OR12D3: variants seen among roughly 807,000 people sequenced by gnomAD.
OR12D3 encodes olfactory receptor 12D3.
For missense variants in OR12D3, 333 were observed against 386.4 expected (o/e 0.86, Z 1.16); for synonymous variants, 142 against 138.8 (o/e 1.02, Z -0.16).
rs1562945544 is a variant in OR12D3, at chr6:29,374,997, G to T, written c.291C>A (p.Thr97=). ...RRAISFLGCI[T]QLHFFHFLGS... ...CCAAAAAGTGGAAGAAGTGTAGCTG[G>T]GTGATACAGCCTAGAAAAGATATAG... The change falls in exon 1 of 1, where the codon ACC becomes ACA. Residue 97 remains threonine (T), a synonymous_variant. Coordinates refer to ENST00000396806, the MANE Select transcript of OR12D3 (RefSeq NM_030959.3). 1.9e-6 allele frequency: 3 copies of T among 1,613,686 alleles called. No individual in the cohort carries two copies. The highest frequency in any genetic ancestry group is 2.5e-6 in the Non-Finnish European group (3 of 1,180,044).
In OR12D3 at chr6:29,375,226, A is replaced by G. The variant is rs1779362455; in HGVS notation, c.62T>C (p.Leu21Pro). Reference sequence around the variant, plus strand: ...GAAAATCCCAAAGAAGAAAGGCTGCAGCTCCTGAACACCAGTCAGGCCAAG... The same window carrying G: ...GAAAATCCCAAAGAAGAAAGGCTGCGGCTCCTGAACACCAGTCAGGCCAAG... ...LLLGLTGVQELQPFFFGIFLI... is the reference protein window; with the variant it reads ...LLLGLTGVQEPQPFFFGIFLI... The change falls in exon 1 of 1, where the codon CTG (leucine) becomes CCG (proline). Residue 21 changes from leucine to proline, a missense_variant. Transcript: ENST00000396806. 2 of 1,611,234 alleles carry G rather than the reference A, an allele frequency of 1.2e-6. No individual in the cohort carries two copies. Among genetic ancestry groups the G allele is most frequent in the South Asian group, 2.2e-5 (2 of 90,586 alleles).
chr6:29,375,001 A>G lies in OR12D3; in HGVS notation c.287T>C (p.Ile96Thr). Residue 96 changes from isoleucine (I) to threonine (T), a missense_variant, in exon 1 of 1, where the codon ATC (isoleucine) becomes ACC (threonine). Transcript: ENST00000396806. ...SRRAISFLGC[I>T]TQLHFFHFLG... ...AAAGTGGAAGAAGTGTAGCTGGGTG[A>G]TACAGCCTAGAAAAGATATAGCCCT... 16 of 1,613,784 alleles carry G rather than the reference A, an allele frequency of 9.9e-6. No homozygotes were observed. The highest frequency in any genetic ancestry group is 1.4e-5 in the Non-Finnish European group (16 of 1,180,032).
At position 29,374,634 on chromosome 6, in the gene OR12D3, A is replaced by G. The variant is rs778986330; in HGVS notation, c.654T>C (p.Tyr218=). The change falls in exon 1 of 1, where the codon TAT becomes TAC. Residue 218 remains tyrosine, a synonymous_variant. Coordinates refer to ENST00000396806, the MANE Select transcript of OR12D3 (RefSeq NM_030959.3). ...TCTTAAACAGAAGGAAGCCAATTAC[A>G]TAGAAGCAGGAGAGAAGAGTCAGAA... ...AFFLTLLSCF[Y]VIGFLLFKNR... The G allele has an allele frequency of 1.2e-5, 20 of 1,612,810 alleles. No homozygotes were observed. The highest frequency in any genetic ancestry group is 1.7e-5 in the Non-Finnish European group (20 of 1,180,032).
In OR12D3 at chr6:29,374,136, T is replaced by C. The variant is rs1779277712; in HGVS notation, c.*201A>G. 7 of 556,916 alleles carry C rather than the reference T, an allele frequency of 1.3e-5. No individual in the cohort carries two copies. Among genetic ancestry groups the C allele is most frequent in the Non-Finnish European group, 2.2e-5 (7 of 318,816 alleles). The allele number at this position is 556,916 out of a possible 1,614,324, so 34.5% of individuals were successfully genotyped here. ...CTTACGCGTTTGGTTATTTGGGGCC[T>C]CCATCACATTAAACTTTATGTTTGA... On this transcript the variant is annotated 3_prime_UTR_variant, in exon 1 of 1. Transcript: ENST00000396806.
Position 29,375,224 on chromosome 6 carries a change from G to A in OR12D3, c.64C>T (p.Gln22Ter). The A allele has an allele frequency of 6.2e-7, 1 of 1,611,144 alleles. No individual in the cohort carries two copies. The highest frequency in any genetic ancestry group is 8.5e-7 in the Non-Finnish European group (1 of 1,179,462). The change falls in exon 1 of 1, where the codon CAG becomes TAG. Residue 22 changes from glutamine (Q) to a stop codon, truncating the protein, a stop_gained. Transcript: ENST00000396806. LOFTEE classifies it low-confidence loss of function (END_TRUNC). Reference sequence around the variant, plus strand: ...AAGAAAATCCCAAAGAAGAAAGGCTGCAGCTCCTGAACACCAGTCAGGCCA... The same window carrying A: ...AAGAAAATCCCAAAGAAGAAAGGCTACAGCTCCTGAACACCAGTCAGGCCA... ...LLGLTGVQEL[Q>*]PFFFGIFLII...
At position 29,375,014 on chromosome 6, in the gene OR12D3, A is replaced by T; in HGVS notation, c.274T>A (p.Phe92Ile). The T allele has an allele frequency of 6.2e-7, 1 of 1,613,702 alleles. No individual in the cohort carries two copies. Among genetic ancestry groups the T allele is most frequent in the South Asian group, 1.1e-5 (1 of 91,078 alleles). Reference protein sequence around the residue: ...NLVCSRRAISFLGCITQLHFF... With the variant: ...NLVCSRRAISILGCITQLHFF... ...TGTAGCTGGGTGATACAGCCTAGAA[A>T]AGATATAGCCCTGCGACTGCACACG... The change falls in exon 1 of 1, where the codon TTT becomes ATT. Residue 92 changes from phenylalanine (F) to isoleucine (I), a missense_variant. By Grantham distance (21) the Phe-to-Ile change is conservative. Transcript: ENST00000396806.
In OR12D3 at chr6:29,373,794, A is replaced by G; in HGVS notation, c.*543T>C. On this transcript the variant is annotated 3_prime_UTR_variant, in exon 1 of 1. Transcript: ENST00000396806. ...AATGGCTAGAAAAATCTCTCCCTAA[A>G]ATTAAATACCCATTAAAAATTCTCT... is the stretch of plus-strand genomic sequence containing the variant. The G allele has an allele frequency of 2.6e-6, 1 of 388,956 alleles. No individual in the cohort carries two copies. 24.1% of individuals were successfully genotyped at this position (388,956 alleles called of 1,614,324 possible).
In OR12D3 at chr6:29,374,637, G is replaced by A. The variant is rs748466156; in HGVS notation, c.651C>T (p.Phe217=). The A allele has an allele frequency of 6.2e-7, 1 of 1,612,876 alleles. No homozygotes were observed. Among genetic ancestry groups the A allele is most frequent in the East Asian group, 2.2e-5 (1 of 44,868 alleles). Residue 217 remains phenylalanine, a synonymous_variant, in exon 1 of 1, where the codon TTC becomes TTT. Coordinates refer to ENST00000396806, the MANE Select transcript of OR12D3 (RefSeq NM_030959.3). ...TAAACAGAAGGAAGCCAATTACATA[G>A]AAGCAGGAGAGAAGAGTCAGAAAGA... The part of the protein sequence containing the change: ...GAFFLTLLSC[F]YVIGFLLFKN...
chr6:29,373,450 T>C lies in OR12D3; in HGVS notation c.*887A>G, dbSNP rs1181774948. The stretch of plus-strand genomic sequence containing the variant: ...GAGGACAAATTTAAATTTAATTCTA[T>C]CAAAAATTTAGTTGGAGGATAAATT... On this transcript the variant is annotated 3_prime_UTR_variant, in exon 1 of 1. Coordinates refer to ENST00000396806, the MANE Select transcript of OR12D3 (RefSeq NM_030959.3). 6.6e-6 allele frequency: 1 copy of C among 152,088 alleles called. No individual in the cohort carries two copies. The highest frequency in any genetic ancestry group is 1.5e-5 in the Non-Finnish European group (1 of 67,984). 9.4% of individuals were successfully genotyped at this position (152,088 alleles called of 1,614,324 possible). A position where few individuals can be genotyped will look rare whatever the true frequency, so the allele number is the denominator to read the frequency against.
rs1444593167 is a variant in OR12D3 at position 29,374,693 on chromosome 6, T to C, written c.595A>G (p.Ile199Val). ...DTLLNQWLLS[I>V]VTGSISMGAF... is the part of the protein sequence containing the mutation. The stretch of plus-strand genomic sequence containing the variant: ...CCCATGGATATGCTGCCTGTGACAA[T>C]GGAAAGAAGCCATTGATTGAGTAAT... The change falls in exon 1 of 1, where the codon ATT (isoleucine) becomes GTT (valine). Residue 199 changes from isoleucine to valine, a missense_variant. Coordinates refer to ENST00000396806, the MANE Select transcript of OR12D3 (RefSeq NM_030959.3). The C allele has an allele frequency of 8.7e-6, 14 of 1,611,734 alleles. No individual in the cohort carries two copies. Among genetic ancestry groups the C allele is most frequent in the Non-Finnish European group, 1.1e-5 (13 of 1,180,002 alleles).
In OR12D3 at chr6:29,374,355, G is replaced by A; in HGVS notation, c.933C>T (p.Asp311=). Residue 311 remains aspartate, a synonymous_variant, in exon 1 of 1, where the codon GAC becomes GAT. Transcript: ENST00000396806. ...ATTAGTCCTAGTGGTGTTGCTGCCA[G>A]TCTTTAAACAACTTCCTACCAAAGA... is the stretch of plus-strand genomic sequence containing the variant. The part of the protein sequence containing the change: ...KKIFGRKLFK[D]WQQHH 2 of 1,611,256 alleles carry A rather than the reference G, an allele frequency of 1.2e-6. No homozygotes were observed. The highest frequency in any genetic ancestry group is 1.7e-4 in the Middle Eastern group (1 of 5,882).
In OR12D3 at chr6:29,374,463, G is replaced by C; in HGVS notation, c.825C>G (p.Ile275Met). The change falls in exon 1 of 1, where the codon ATC becomes ATG. Residue 275 changes from isoleucine (I) to methionine (M), a missense_variant. Coordinates refer to ENST00000396806, the MANE Select transcript of OR12D3 (RefSeq NM_030959.3). Reference sequence around the variant, plus strand: ...GTACAGGGGTGACGGCGCTATACATGATGGCCATTATCCGGTCCTGAATCA... The same window carrying C: ...GTACAGGGGTGACGGCGCTATACATCATGGCCATTATCCGGTCCTGAATCA... ...TSMIQDRIMA[I>M]MYSAVTPVLN... 1.2e-6 allele frequency: 2 copies of C among 1,612,996 alleles called. No homozygotes were observed. The highest frequency in any genetic ancestry group is 8.5e-7 in the Non-Finnish European group (1 of 1,180,000).
At position 29,373,914 on chromosome 6, in the gene OR12D3, G is replaced by GA. The variant is rs1261715116; in HGVS notation, c.*422dup. 23 of 397,086 alleles carry GA rather than the reference G, an allele frequency of 5.8e-5. No homozygotes were observed. The highest frequency in any genetic ancestry group is 2.3e-4 in the African/African-American group (11 of 48,346). The allele number at this position is 397,086 out of a possible 1,614,324, so 24.6% of individuals were successfully genotyped here. ...TTTCCTGCTGAAGGAAACACAAAAG[G>GA]AAAAAAAATAGGCAAAAATAAAGAT... On this transcript the variant is annotated 3_prime_UTR_variant, in exon 1 of 1. Transcript: ENST00000396806.
Position 29,375,277 on chromosome 6 carries a change from A to G in OR12D3, c.11T>C (p.Val4Ala), listed in dbSNP as rs201963217. 32 of 1,570,448 alleles carry G rather than the reference A, an allele frequency of 2.0e-5. No individual in the cohort carries two copies. Among genetic ancestry groups the G allele is most frequent in the Non-Finnish European group, 2.4e-5 (28 of 1,164,398 alleles). Reference protein sequence around the residue: MENVTTMNEFLLLG... With the variant: MENATTMNEFLLLG... Reference sequence around the variant, plus strand: ...TAGAAGAAACTCATTCATTGTAGTGACATTCTCCATTGCTCTGGGAAGCAA... The same window carrying G: ...TAGAAGAAACTCATTCATTGTAGTGGCATTCTCCATTGCTCTGGGAAGCAA... The change falls in exon 1 of 1, where the codon GTC becomes GCC. Residue 4 changes from valine (V) to alanine (A), a missense_variant. Coordinates refer to ENST00000396806, the MANE Select transcript of OR12D3 (RefSeq NM_030959.3).
chr6:29,375,011 G>T lies in OR12D3; in HGVS notation c.277C>A (p.Leu93Ile), dbSNP rs1384777743. 1.9e-6 allele frequency: 3 copies of T among 1,613,598 alleles called. No homozygotes were observed. Among genetic ancestry groups the T allele is most frequent in the Non-Finnish European group, 1.7e-6 (2 of 1,180,036 alleles). Reference protein sequence around the residue: ...LVCSRRAISFLGCITQLHFFH... With the variant: ...LVCSRRAISFIGCITQLHFFH... ...AAGTGTAGCTGGGTGATACAGCCTAGAAAAGATATAGCCCTGCGACTGCAC... is the reference window on the plus strand; with the variant it reads ...AAGTGTAGCTGGGTGATACAGCCTATAAAAGATATAGCCCTGCGACTGCAC... Residue 93 changes from leucine (L) to isoleucine (I), a missense_variant, in exon 1 of 1, where the codon CTA (leucine) becomes ATA (isoleucine). Coordinates refer to ENST00000396806, the MANE Select transcript of OR12D3 (RefSeq NM_030959.3).
Position 29,375,037 on chromosome 6 carries a change from A to G in OR12D3, c.251T>C (p.Val84Ala). The change falls in exon 1 of 1, where the codon GTG (valine) becomes GCG (alanine). Residue 84 changes from valine (V) to alanine (A), a missense_variant. Coordinates refer to ENST00000396806, the MANE Select transcript of OR12D3 (RefSeq NM_030959.3). ...VTLPKLLVNLVCSRRAISFLG... is the reference protein window; with the variant it reads ...VTLPKLLVNLACSRRAISFLG... Reference sequence around the variant, plus strand: ...AAAAGATATAGCCCTGCGACTGCACACGAGGTTTACGAGCAGCTTGGGCAG... The same window carrying G: ...AAAAGATATAGCCCTGCGACTGCACGCGAGGTTTACGAGCAGCTTGGGCAG... 6.2e-7 allele frequency: 1 copy of G among 1,613,606 alleles called. No individual in the cohort carries two copies. Among genetic ancestry groups the G allele is most frequent in the African/African-American group, 1.3e-5 (1 of 75,054 alleles).
At position 29,374,641 on chromosome 6, in the gene OR12D3, C is replaced by T. The variant is rs1779319632; in HGVS notation, c.647G>A (p.Cys216Tyr). The T allele has an allele frequency of 6.2e-7, 1 of 1,612,736 alleles. No individual in the cohort carries two copies. Among genetic ancestry groups the T allele is most frequent in the East Asian group, 2.2e-5 (1 of 44,874 alleles). Residue 216 changes from cysteine (C) to tyrosine (Y), a missense_variant, in exon 1 of 1, where the codon TGC becomes TAC. Transcript: ENST00000396806. ...MGAFFLTLLSCFYVIGFLLFK... is the reference protein window; with the variant it reads ...MGAFFLTLLSYFYVIGFLLFK... ...CAGAAGGAAGCCAATTACATAGAAG[C>T]AGGAGAGAAGAGTCAGAAAGAAAGC...
chr6:29,374,264 G>T lies in OR12D3; in HGVS notation c.*73C>A. Reference sequence around the variant, plus strand: ...ATTTTTGAAAGAAAAATATAAACCAGGTAAACAAATCATTTCTTACAGTGA... The same window carrying T: ...ATTTTTGAAAGAAAAATATAAACCATGTAAACAAATCATTTCTTACAGTGA... On this transcript the variant is annotated 3_prime_UTR_variant, in exon 1 of 1. Coordinates refer to ENST00000396806, the MANE Select transcript of OR12D3 (RefSeq NM_030959.3). 1.6e-6 allele frequency: 2 copies of T among 1,280,584 alleles called. No individual in the cohort carries two copies. Among genetic ancestry groups the T allele is most frequent in the Non-Finnish European group, 2.2e-6 (2 of 922,156 alleles). The allele number at this position is 1,280,584 out of a possible 1,614,324, so 79.3% of individuals were successfully genotyped here.
chr6:29,375,114 A>G lies in OR12D3; in HGVS notation c.174T>C (p.Tyr58=). 1 of 1,612,898 alleles carries G rather than the reference A, an allele frequency of 6.2e-7. No homozygotes were observed. Among genetic ancestry groups the G allele is most frequent in the Non-Finnish European group, 8.5e-7 (1 of 1,179,972 alleles). ...VLEPQLHSPM[Y]FFLGNLSCLD... is the part of the protein sequence containing the mutation. ...GACAAGAAAGGTTTCCCAGAAAAAA[A>G]TACATAGGGGAGTGGAGTTGTGGTT... The change falls in exon 1 of 1, where the codon TAT becomes TAC. Residue 58 remains tyrosine (Y), a synonymous_variant. Transcript: ENST00000396806.
Sources: allele counts gnomAD v4.1 joint callset, GRCh38; gene constraint gnomAD v4.1.1; transcripts MANE v1.5; gene names NCBI Gene and HGNC (gene_info 2026-07-23, HGNC 2026-07-21).